PCDH15: variants seen among roughly 807,000 people sequenced by gnomAD.
The protein encoded by PCDH15 is protocadherin-15.
PCDH15 carries 129 observed loss-of-function variants against 178.5 expected under a neutral mutation model. The observed-to-expected ratio is 0.72, with a 90% CI of 0.63 to 0.84. The LOEUF (loss-of-function observed/expected upper bound fraction) is 0.84, where lower values mean the gene tolerates loss of function less well. Ranked by LOEUF, PCDH15 falls within the 40% of genes least tolerant of loss-of-function variation. The pLI is 0.00. For synonymous variants in PCDH15, 800 were observed against 732.0 expected (o/e 1.09, Z -1.50); for missense variants, 2,230 against 2,099.9 (o/e 1.06, Z -1.21).
chr10:54,412,946 T>C (rs201956488), intron 3 of PCDH15, among the ~76,000 whole-genome samples: 1 of 152,164 alleles, frequency 6.6e-6, no homozygotes, highest in East Asian at 1.9e-4. Flanking sequence ...TGCTATCATA[T>C]TGCATGTGTG....
chr10:53,882,172 T>C (rs1014625300), intron 26 of PCDH15, among the ~76,000 whole-genome samples: 1 of 152,054 alleles, frequency 6.6e-6, no homozygotes, highest in Non-Finnish European at 1.5e-5. Flanking sequence ...AGGGCTTGCA[T>C]GTCTGTGAGA....
chr10:54,139,145 A>G (rs2043154536), intron 14 of PCDH15, among the ~76,000 whole-genome samples: 1 of 152,176 alleles, frequency 6.6e-6, no homozygotes, highest in Admixed American at 6.5e-5. Flanking sequence ...TTATAGAACT[A>G]TAAACCCAGC....
intron 2 of PCDH15, among the ~76,000 whole-genome samples, chr10:55,398,100 C>A (rs891811416): frequency 2.6e-5 from 4 of 151,634 alleles, no homozygotes; most frequent in Admixed American, 6.6e-5. Flanking sequence ...TCATAGTCCT[C>A]TTATTTATGC....
intron 2 of PCDH15, among the ~76,000 whole-genome samples, chr10:55,420,264 C>T (rs1838588125): frequency 7.0e-6 from 1 of 142,682 alleles, no homozygotes; most frequent in Non-Finnish European, 1.5e-5. Flanking sequence ...ATAGTTGCTT[C>T]GATACTATAA....
chr10:53,828,602 T>G, intron 30 of PCDH15, 29 bp from the exon 31 acceptor site: 1 of 1,522,560 alleles, frequency 6.6e-7, no homozygotes, highest in Non-Finnish European at 9.1e-7. Flanking sequence ...GTAAGAAAAA[T>G]AGAAAGCTAC....
At chr10:54,515,562 A>G (rs1024693531) in intron 3 of PCDH15, among the ~76,000 whole-genome samples, 1 of 152,248 alleles carries the variant, frequency 6.6e-6, no homozygotes, top group Admixed American at 6.5e-5. Context: ...GGCAGGGCAC[A>G]GACAAACAAA....
chr10:55,589,706 G>A (rs984105986), intron 2 of PCDH15, among the ~76,000 whole-genome samples: 1 of 151,326 alleles, frequency 6.6e-6, no homozygotes, highest in Non-Finnish European at 1.5e-5. Context: ...AAAAACACAT[G>A]AAAAAATGCT....
Position 55,301,972 on chromosome 10 carries a change from G to A in PCDH15, c.-156+17627C>T, listed in dbSNP as rs116979827. ...TCTATCCTTCAGCCAAAACAGCACT[G>A]TCTTGATTATCGTGACTAGAAAATT... On this transcript the variant is annotated intron_variant, in intron 1 of 5. Transcript: ENST00000458638. 7.5e-4 allele frequency among the ~76,000 whole-genome samples: 114 copies of A among 152,226 alleles called. 1 individual carries two copies. The East Asian group carries it at 0.021, about 28-fold the overall frequency.
chr10:54,892,349 A>T, intron 3 of PCDH15, among the ~76,000 whole-genome samples: 1 of 152,140 alleles, frequency 6.6e-6, no homozygotes, highest in East Asian at 1.9e-4. Context: ...ATCTAACTGT[A>T]AGAATAATGT....
chr10:55,230,362 G>T (rs1355390629), intron 1 of PCDH15, among the ~76,000 whole-genome samples: 1 of 151,916 alleles, frequency 6.6e-6, no homozygotes, highest in Middle Eastern at 3.2e-3. Context: ...CACTCAGGCT[G>T]GTGTAATACT....
At chr10:55,462,068 A>G (rs1319311500) in intron 2 of PCDH15, among the ~76,000 whole-genome samples, 4 of 152,068 alleles carry the variant, frequency 2.6e-5, no homozygotes, top group African/African-American at 7.2e-5. Context: ...GGGTAAATAG[A>G]TATTAGTTTA....
At chr10:54,699,416 A>T (rs757152388) in intron 1 of PCDH15, among the ~76,000 whole-genome samples, 32 of 152,064 alleles carry the variant, frequency 2.1e-4, no homozygotes, top group Non-Finnish European at 4.0e-4. Context: ...ATCTTAAGTG[A>T]CTCTATCAAG....
intron 2 of PCDH15, among the ~76,000 whole-genome samples, chr10:54,906,146 T>C (rs1208848729): frequency 6.6e-6 from 1 of 152,004 alleles, no homozygotes; most frequent in Non-Finnish European, 1.5e-5. Flanking sequence ...AAGGGGCTGG[T>C]TCAGAAATTT....
intron 2 of PCDH15, among the ~76,000 whole-genome samples, chr10:54,909,946 C>T (rs746893875): frequency 5.9e-5 from 9 of 152,108 alleles, no homozygotes; most frequent in Non-Finnish European, 7.4e-5. Flanking sequence ...TGGGGACTGT[C>T]CTTCTCTTCT....
chr10:55,405,348 C>T (rs1196311138), intron 2 of PCDH15, among the ~76,000 whole-genome samples: 1 of 138,414 alleles, frequency 7.2e-6, no homozygotes, highest in Non-Finnish European at 1.6e-5. Flanking sequence ...AGTATTCTGT[C>T]ATAATATAAA....
chr10:55,602,059 GCGTTGCCT>G (rs1464820213), intron 2 of PCDH15, among the ~76,000 whole-genome samples: 1 of 152,126 alleles, frequency 6.6e-6, no homozygotes, highest in Non-Finnish European at 1.5e-5. Flanking sequence ...GCAGGGCGAG[GCGTTGCCT>G]CACTCGGGAG....
intron 15 of PCDH15, among the ~76,000 whole-genome samples, chr10:54,112,937 T>C (rs1007916563): frequency 6.6e-6 from 1 of 152,176 alleles, no homozygotes; most frequent in African/African-American, 2.4e-5. Context: ...TTCAGTCTCT[T>C]GAGAAAAGTT....
intron 2 of PCDH15, among the ~76,000 whole-genome samples, chr10:54,961,018 C>T (rs554727950): frequency 4.6e-5 from 7 of 152,238 alleles, no homozygotes; most frequent in African/African-American, 1.7e-4. Flanking sequence ...AAGGCAATAA[C>T]AATAAGAAAG....
chr10:54,775,257 C>T (rs902558158), intron 1 of PCDH15, among the ~76,000 whole-genome samples: 3 of 152,094 alleles, frequency 2.0e-5, no homozygotes, highest in East Asian at 1.9e-4. Context: ...TTTATCCTAA[C>T]GAGATTAATG....
Sources: allele counts gnomAD v4.1 joint callset (sites outside exome capture counted in the v4.1 genomes callset), GRCh38; gene constraint gnomAD v4.1.1; transcripts MANE v1.5; gene names NCBI Gene and HGNC (gene_info 2026-07-23, HGNC 2026-07-21).